FRMPD3: variants seen among roughly 807,000 people sequenced by gnomAD.
The protein encoded by FRMPD3 is FERM and PDZ domain containing 3.
FRMPD3 carries 42 observed loss-of-function variants against 97.9 expected under a neutral mutation model. That is an observed-to-expected ratio of 0.43 (90% CI 0.34 to 0.55). The LOEUF (loss-of-function observed/expected upper bound fraction) is 0.55. Ranked by LOEUF, FRMPD3 falls within the 20% of genes least tolerant of loss-of-function variation. The probability of loss-of-function intolerance (pLI) is 0.03; values close to 1 mark genes in which losing one functional copy is unlikely to be tolerated. For missense variants in FRMPD3, 1,303 were observed against 1,457.7 expected (o/e 0.89, Z 1.73); for synonymous variants, 577 against 581.1 (o/e 0.99, Z 0.10).
intron 1 of FRMPD3, among the ~76,000 whole-genome samples, chrX:107,518,071 C>G (rs1922400759): frequency 9.0e-6 from 1 of 110,582 alleles, no homozygotes; most frequent in African/African-American, 3.3e-5. Context: ...AATGATAGAC[C>G]AGGAACTCTA....
intron 1 of FRMPD3, among the ~76,000 whole-genome samples, chrX:107,518,175 T>C (rs941601237): frequency 9.0e-6 from 1 of 111,648 alleles, no homozygotes; most frequent in African/African-American, 3.3e-5. Flanking sequence ...TGGGCATCTA[T>C]GAAAAGGTGA....
Position 107,603,394 on chromosome X carries a change from C to T in FRMPD3, c.*21C>T, listed in dbSNP as rs1037519113. The T allele has an allele frequency of 5.3e-6, 6 of 1,126,878 alleles. No individual in the cohort carries two copies. In the Admixed American group the frequency reaches 1.5e-4, roughly 27 times the overall value. The allele number at this position is 1,126,878 out of a possible 1,213,427, so 92.9% of individuals were successfully genotyped here. Reference sequence around the variant, plus strand: ...AGTAGGGCATCTGCCCACACCTGTCCCCCTTCCCCAACCATGGCCCCAGGT... The same window carrying T: ...AGTAGGGCATCTGCCCACACCTGTCTCCCTTCCCCAACCATGGCCCCAGGT... On this transcript the variant is annotated 3_prime_UTR_variant, in exon 15 of 15. Transcript: ENST00000683843.
chrX:107,581,605 AT>A (rs1923394983), intron 13 of FRMPD3, among the ~76,000 whole-genome samples: 1 of 111,198 alleles, frequency 9.0e-6, no homozygotes, highest in Non-Finnish European at 1.9e-5. Flanking sequence ...ATTTTAGAAC[AT>A]TTTTTGCCCC....
intron 4 of FRMPD3, chrX:107,544,475 A>G (rs1446620370): frequency 8.9e-6 from 1 of 111,843 alleles, no homozygotes; most frequent in Non-Finnish European, 1.9e-5. Context: ...TACCTAAAAG[A>G]TATTTATCGT....
chrX:107,566,637 G>C (rs1922614070), intron 12 of FRMPD3, among the ~76,000 whole-genome samples: 1 of 113,253 alleles, frequency 8.8e-6, no homozygotes, highest in South Asian at 3.6e-4. Flanking sequence ...CTACACAATA[G>C]AATGTCCTTA....
Position 107,597,614 on chromosome X carries a change from G to A in FRMPD3, c.1735G>A (p.Asp579Asn). ...SGQGYEVVPD[D>N]FDAASLDHEP... ...CCAAGGTTATGAGGTAGTCCCTGAT[G>A]ACTTTGATGCAGCTAGCCTAGACCA... is the stretch of plus-strand genomic sequence containing the variant. Residue 579 changes from aspartate to asparagine, a missense_variant, in exon 14 of 15, where the codon GAC (aspartate) becomes AAC (asparagine). By Grantham distance (23) the Asp-to-Asn change is conservative. Transcript: ENST00000683843. 8.3e-7 allele frequency: 1 copy of A among 1,211,035 alleles called. No homozygotes were observed. The highest frequency in any genetic ancestry group is 1.1e-6 in the Non-Finnish European group (1 of 895,503).
intron 1 of FRMPD3, among the ~76,000 whole-genome samples, chrX:107,485,279 C>T (rs1280834767): frequency 8.9e-6 from 1 of 112,229 alleles, no homozygotes; most frequent in Non-Finnish European, 1.9e-5. Context: ...TGATTTAGGA[C>T]TGGGCGAGTC....
Position 107,492,578 on chromosome X carries a change from C to T in FRMPD3, c.-7-34004C>T, listed in dbSNP as rs189942453. On this transcript the variant is annotated intron_variant, in intron 1 of 14. Coordinates refer to ENST00000683843, the MANE Select transcript of FRMPD3 (RefSeq NM_001388459.1). ...ATCATGAATATCCAAGAAGACATTT[C>T]GAGCCTTGCCAAAGTGTGGTCTGAG... is the stretch of plus-strand genomic sequence containing the variant. Among the ~76,000 whole-genome samples, 233 of 111,762 alleles carry T rather than the reference C, an allele frequency of 2.1e-3. 2 individuals carry two copies. Among genetic ancestry groups the T allele is most frequent in the Middle Eastern group, 9.1e-3 (2 of 219 alleles).
chrX:107,596,721 G>A (rs73522870), intron 13 of FRMPD3, among the ~76,000 whole-genome samples: 4,171 of 111,760 alleles, frequency 0.037, 170 homozygotes, highest in African/African-American at 0.13. Flanking sequence ...TTCAGACCCC[G>A]GAATTCTAAT....
intron 12 of FRMPD3, among the ~76,000 whole-genome samples, chrX:107,568,508 G>A (rs907373256): frequency 1.9e-4 from 18 of 95,817 alleles, no homozygotes; most frequent in African/African-American, 6.2e-4. Context: ...TCAGGAGTTC[G>A]AAACCAGCCT....
chrX:107,450,784 A>AGTGT (rs1020429313), intron 1 of FRMPD3, among the ~76,000 whole-genome samples: 1 of 110,384 alleles, frequency 9.1e-6, no homozygotes, highest in African/African-American at 3.3e-5. Flanking sequence ...TGTGTATGTG[A>AGTGT]GTGTGTGTGT....
chrX:107,452,463 G>A (rs1360150338), intron 1 of FRMPD3, among the ~76,000 whole-genome samples: 1 of 112,318 alleles, frequency 8.9e-6, no homozygotes, highest in African/African-American at 3.2e-5. Context: ...GCAGTTGTGG[G>A]CTGAAGGCCA....
At position 107,489,337 on chromosome X, in the gene FRMPD3, C is replaced by T. The variant is rs772366683; in HGVS notation, c.-7-37245C>T. 2.0e-3 allele frequency among the ~76,000 whole-genome samples: 219 copies of T among 111,261 alleles called. 1 individual carries two copies. Among genetic ancestry groups the T allele is most frequent in the African/African-American group, 5.3e-3 (162 of 30,559 alleles). On this transcript the variant is annotated intron_variant, in intron 1 of 14. Transcript: ENST00000683843. ...TTATAGCAGCATGTTTTATAATCCT[C>T]TTGGTATATACCCAGTAATGGGATG... is the stretch of plus-strand genomic sequence containing the variant.
chrX:107,576,488 T>G (rs1318773299), intron 13 of FRMPD3, 29 bp downstream of exon 13: 2 of 1,202,659 alleles, frequency 1.7e-6, no homozygotes, highest in Middle Eastern at 5.1e-4. Flanking sequence ...TGGTTTTTGC[T>G]GTGCCAGAGG....
chrX:107,568,911 GAGAGAGAGAGA>G (rs1458101783), intron 12 of FRMPD3, among the ~76,000 whole-genome samples: 1 of 88,398 alleles, frequency 1.1e-5, no homozygotes, highest in African/African-American at 8.0e-5. Flanking sequence ...ATGAAAGAGA[GAGAGAGAGAGA>G]GAGAGAGGGA....
At chrX:107,576,549 C>T in intron 13 of FRMPD3, 90 bp downstream of exon 13, 2 of 1,008,557 alleles carry the variant, frequency 2.0e-6, no homozygotes, top group Non-Finnish European at 2.7e-6. Context: ...CCTTAGTGCT[C>T]ACCCCGTGCC....
rs1368096758 is a variant in FRMPD3, at chrX:107,597,829, G to C, written c.1950G>C (p.Glu650Asp). The change falls in exon 14 of 15, where the codon GAG (glutamate) becomes GAC (aspartate). Residue 650 changes from glutamate to aspartate, a missense_variant. Transcript: ENST00000683843. ...TGTCCCTCCCACCACCTGGGAGTGA[G>C]GAGGAGGAGGAGGAGGAAGATGAGA... is the stretch of plus-strand genomic sequence containing the variant. ...DLMSLPPPGS[E>D]EEEEEEDETT... 5 of 748,296 alleles carry C rather than the reference G, an allele frequency of 6.7e-6. No homozygotes were observed. In the Admixed American group the frequency reaches 2.1e-4, roughly 32 times the overall value. The allele number at this position is 748,296 out of a possible 1,213,427, so 61.7% of individuals were successfully genotyped here.
chrX:107,595,810 C>T (rs370504956), intron 13 of FRMPD3, among the ~76,000 whole-genome samples: 8 of 108,814 alleles, frequency 7.4e-5, no homozygotes, highest in Admixed American at 6.9e-4. Flanking sequence ...TGGTGGCAGG[C>T]GCCTGTAATC....
chrX:107,477,888 C>T (rs1239895907), intron 1 of FRMPD3, among the ~76,000 whole-genome samples: 1 of 111,474 alleles, frequency 9.0e-6, no homozygotes, highest in East Asian at 2.8e-4. Context: ...ATTATGGCCT[C>T]AGCCAGTTTT....
Sources: allele counts gnomAD v4.1 joint callset (sites outside exome capture counted in the v4.1 genomes callset), GRCh38; gene constraint gnomAD v4.1.1; transcripts MANE v1.5; gene names NCBI Gene and HGNC (gene_info 2026-07-23, HGNC 2026-07-21).